The following GABRA3 variants were observed in gnomAD, a reference collection of about 807,000 sequenced individuals.
The protein encoded by GABRA3 is gamma-aminobutyric acid type A receptor subunit alpha3.
Under a neutral mutation model 30.1 loss-of-function variants are expected in GABRA3, and 10 were observed. The ratio of observed to expected loss-of-function variants is 0.33; its 90% CI spans 0.20 to 0.56. The LOEUF is 0.56. Ranked by LOEUF, GABRA3 falls within the 20% of genes least tolerant of loss-of-function variation. The pLI, the probability that GABRA3 is intolerant of heterozygous loss-of-function variation, is 0.89. For missense variants in GABRA3, 233 were observed against 392.0 expected (o/e 0.59, Z 3.42); for synonymous variants, 151 against 146.8 (o/e 1.03, Z -0.21).
At chrX:152,233,585 T>G (rs1938133535) in intron 5 of GABRA3, among the ~76,000 whole-genome samples, 1 of 110,234 alleles carries the variant, frequency 9.1e-6, no homozygotes, top group African/African-American at 3.3e-5. Flanking sequence ...AGAACTCTTT[T>G]ACACTGTTGG....
intron 9 of GABRA3, among the ~76,000 whole-genome samples, chrX:152,169,921 T>C (rs1936982100): frequency 9.0e-6 from 1 of 111,615 alleles, no homozygotes; most frequent in African/African-American, 3.3e-5. Context: ...TCTTCTTAAC[T>C]TCAGAGTCCC....
At chrX:152,381,769 C>T (rs1175292667) in intron 1 of GABRA3, among the ~76,000 whole-genome samples, 5 of 107,651 alleles carry the variant, frequency 4.6e-5, no homozygotes, top group Non-Finnish European at 9.6e-5. Context: ...TCTCATTGTT[C>T]AACTCCCACT....
chrX:152,197,581 T>C (rs1937405861), intron 8 of GABRA3, 52 bp downstream of exon 8: 20 of 1,104,473 alleles, frequency 1.8e-5, no homozygotes, highest in Non-Finnish European at 2.4e-5. Flanking sequence ...TCACCTCCAC[T>C]GTGACTCTGC....
intron 1 of GABRA3, among the ~76,000 whole-genome samples, chrX:152,433,244 GC>G (rs1169707003): frequency 9.1e-6 from 1 of 110,331 alleles, no homozygotes; most frequent in East Asian, 2.9e-4. Flanking sequence ...GACAAAGACT[GC>G]CCCATGCCTA....
chrX:152,370,769 T>C (rs1221222001), intron 1 of GABRA3, among the ~76,000 whole-genome samples: 4 of 111,123 alleles, frequency 3.6e-5, no homozygotes, highest in African/African-American at 1.3e-4. Context: ...TACAAGTCCA[T>C]GATCTTGAAT....
chrX:152,206,382 C>A (rs902205229), intron 7 of GABRA3, among the ~76,000 whole-genome samples: 1 of 111,980 alleles, frequency 8.9e-6, no homozygotes, highest in Non-Finnish European at 1.9e-5. Flanking sequence ...CTTCTCTGCT[C>A]ACACATGTAA....
At chrX:152,384,091 C>T (rs1229350730) in intron 1 of GABRA3, among the ~76,000 whole-genome samples, 2 of 109,929 alleles carry the variant, frequency 1.8e-5, no homozygotes, top group East Asian at 2.8e-4. Flanking sequence ...GAATGAACTA[C>T]CCAAAAAGAA....
Position 152,168,013 on chromosome X carries a change from C to T in GABRA3, c.*215G>A. The T allele has an allele frequency of 4.8e-6, 2 of 414,723 alleles. No individual in the cohort carries two copies. The highest frequency in any genetic ancestry group is 8.4e-6 in the Non-Finnish European group (2 of 239,519). The allele number at this position is 414,723 out of a possible 1,213,427, so 34.2% of individuals were successfully genotyped here. ...CAACTGGACAAATGGCAGTGTTTGG[C>T]TTTGATGGGGTTATACTGGGCAATA... On this transcript the variant is annotated 3_prime_UTR_variant, in exon 10 of 10. Coordinates refer to ENST00000370314, the MANE Select transcript of GABRA3 (RefSeq NM_000808.4).
intron 3 of GABRA3, among the ~76,000 whole-genome samples, chrX:152,290,164 C>A (rs1939379543): frequency 8.9e-6 from 1 of 111,934 alleles, no homozygotes; most frequent in Non-Finnish European, 1.9e-5. Context: ...TTCTCCACAT[C>A]CTCTCCAGTA....
At chrX:152,406,459 A>C (rs145496135) in intron 1 of GABRA3, among the ~76,000 whole-genome samples, 2,362 of 108,134 alleles carry the variant, frequency 0.022, 31 homozygotes, top group South Asian at 0.057. Flanking sequence ...AATAGATTTC[A>C]AGACAAAAAA....
intron 4 of GABRA3, among the ~76,000 whole-genome samples, chrX:152,275,217 T>TATAAAATATATATAAATATATATAAA (rs1254743351): frequency 2.2e-5 from 1 of 45,581 alleles, no homozygotes; most frequent in Non-Finnish European, 3.3e-5. Context: ...TATAATATTA[T>TATAAAATATATATAAATATATATAAA]ATATATATAA....
At chrX:152,316,010 C>T (rs10081817) in intron 3 of GABRA3, among the ~76,000 whole-genome samples, 2,509 of 87,632 alleles carry the variant, frequency 0.029, 131 homozygotes, top group African/African-American at 0.11. Context: ...TCCTGTACTA[C>T]CACAACTGAT....
intron 5 of GABRA3, among the ~76,000 whole-genome samples, chrX:152,238,117 T>C (rs1424025576): frequency 9.3e-6 from 1 of 107,611 alleles, no homozygotes; most frequent in Non-Finnish European, 1.9e-5. Flanking sequence ...CAGTATGATA[T>C]TGGCTGTGGG....
At chrX:152,391,038 A>G (rs1358387536) in intron 1 of GABRA3, among the ~76,000 whole-genome samples, 1 of 111,745 alleles carries the variant, frequency 8.9e-6, no homozygotes, top group Non-Finnish European at 1.9e-5. Flanking sequence ...AAATAAATAT[A>G]TAGTCCATTG....
At chrX:152,301,960 T>A (rs1184734627) in intron 3 of GABRA3, among the ~76,000 whole-genome samples, 1 of 111,922 alleles carries the variant, frequency 8.9e-6, no homozygotes, top group African/African-American at 3.2e-5. Flanking sequence ...ATGTAAACTT[T>A]AGGACTGTCA....
At chrX:152,191,856 CCATGTG>C (rs760293237) in intron 8 of GABRA3, among the ~76,000 whole-genome samples, 78 of 111,755 alleles carry the variant, frequency 7.0e-4, no homozygotes, top group South Asian at 6.0e-3. Flanking sequence ...ACATTTTACG[CCATGTG>C]AGGAATCTGC....
intron 4 of GABRA3, among the ~76,000 whole-genome samples, chrX:152,277,753 T>C (rs1055481000): frequency 8.9e-6 from 1 of 112,243 alleles, no homozygotes; most frequent in Non-Finnish European, 1.9e-5. Flanking sequence ...AGCCTGAGTC[T>C]GCCTCCTGGG....
rs138846739 is a variant in GABRA3, at chrX:152,370,873, G to A, written c.-26-6277C>T. On this transcript the variant is annotated intron_variant, in intron 1 of 9. Transcript: ENST00000370314. ...ATCCACCCATTCCACCCCACTCCACGGATTTCTAATCTACTGATCTTACAA... is the reference window on the plus strand; with the variant it reads ...ATCCACCCATTCCACCCCACTCCACAGATTTCTAATCTACTGATCTTACAA... Among the ~76,000 whole-genome samples the A allele has an allele frequency of 4.8e-3, 531 of 110,646 alleles. 2 individuals are homozygous for A. The highest frequency in any genetic ancestry group is 0.016 in the East Asian group (54 of 3,450).
At chrX:152,424,080 A>G (rs1170346715) in intron 1 of GABRA3, among the ~76,000 whole-genome samples, 1 of 110,751 alleles carries the variant, frequency 9.0e-6, no homozygotes, top group African/African-American at 3.3e-5. Context: ...GTGTATCTTT[A>G]TTTTTCATTT....
Sources: gnomAD v4.1 joint callset for allele counts (sites outside exome capture counted in the v4.1 genomes callset) on GRCh38, gnomAD v4.1.1 for gene constraint, MANE v1.5 for transcripts, NCBI Gene and HGNC (gene_info 2026-07-23, HGNC 2026-07-21) for gene names.